The following NRXN1 variants were observed in gnomAD, a reference collection of about 807,000 sequenced individuals.
NRXN1 encodes the protein neurexin-1.
A neutral mutation model predicts 150.9 loss-of-function variants in NRXN1; 39 were observed. The ratio of observed to expected loss-of-function variants is 0.26; its 90% CI spans 0.20 to 0.34. The LOEUF (loss-of-function observed/expected upper bound fraction) is 0.34, where lower values mean the gene tolerates loss of function less well. Among genes scored for constraint, NRXN1 ranks in the 10% least tolerant of loss-of-function variants. NRXN1 has a pLI of 1.00. For synonymous variants in NRXN1, 924 were observed against 757.0 expected, an observed-to-expected ratio of 1.22 and a Z score of -3.62; for missense variants, 1,815 against 1,949.9, an observed-to-expected ratio of 0.93 and a Z score of 1.30.
At chr2:50,721,540 T>A (rs1696655592) in intron 5 of NRXN1, among the ~76,000 whole-genome samples, 1 of 152,164 alleles carries the variant, frequency 6.6e-6, no homozygotes, top group African/African-American at 2.4e-5. Context: ...GTGTTCTCCT[T>A]TGTGCCTGAC....
chr2:50,764,334 C>T (rs1327947044), intron 5 of NRXN1, among the ~76,000 whole-genome samples: 2 of 151,954 alleles, frequency 1.3e-5, no homozygotes, highest in Non-Finnish European at 2.9e-5. Context: ...TCATACCATA[C>T]TTTGCGTATG....
intron 17 of NRXN1, among the ~76,000 whole-genome samples, chr2:50,445,165 C>G (rs2086289357): frequency 6.6e-6 from 1 of 152,116 alleles, no homozygotes; most frequent in Non-Finnish European, 1.5e-5. Context: ...CTAAAAGAGT[C>G]CTGCTGGATG....
At chr2:50,005,165 T>C (rs185696792) in intron 21 of NRXN1, among the ~76,000 whole-genome samples, 1 of 152,248 alleles carries the variant, frequency 6.6e-6, no homozygotes, top group East Asian at 1.9e-4. Context: ...TACCAACCAA[T>C]AGATCATGTT....
At chr2:50,616,449 G>A (rs1382676866) in intron 8 of NRXN1, 1 of 152,108 alleles carries the variant, frequency 6.6e-6, no homozygotes, top group African/African-American at 2.4e-5. Context: ...AGGAATATGA[G>A]ATTATAGGTT....
intron 15 of NRXN1, among the ~76,000 whole-genome samples, chr2:50,481,230 C>T (rs1425685513): frequency 6.6e-6 from 1 of 152,184 alleles, no homozygotes; most frequent in African/African-American, 2.4e-5. Flanking sequence ...TACAGCTTCA[C>T]TACTACAACA....
intron 9 of NRXN1, among the ~76,000 whole-genome samples, 185 bp from the exon 10 acceptor site, chr2:50,538,821 G>T (rs1158363607): frequency 7.3e-6 from 1 of 137,082 alleles, no homozygotes; most frequent in Admixed American, 7.0e-5. Flanking sequence ...AGAAACTTTA[G>T]AAATAAAACA....
chr2:50,148,471 T>A (rs2058497731), intron 18 of NRXN1, among the ~76,000 whole-genome samples: 1 of 151,556 alleles, frequency 6.6e-6, no homozygotes, highest in Non-Finnish European at 1.5e-5. Flanking sequence ...AAAAACAAAG[T>A]CTAATTTCTC....
Position 50,052,029 on chromosome 2 carries a change from C to T in NRXN1, c.4128+1242G>A, listed in dbSNP as rs1053037661. ...TCCCTCTTCTAGGACATTTTCTCTT[C>T]ATCTATTCTGTTCCTCTCACCCTTT... On this transcript the variant is annotated intron_variant, in intron 21 of 22. Transcript: ENST00000401669. Among the ~76,000 whole-genome samples, 5 of 151,998 alleles carry T rather than the reference C, an allele frequency of 3.3e-5. No homozygotes were observed. In the East Asian group the frequency reaches 9.7e-4, roughly 29 times the overall value.
chr2:50,569,377 A>T (rs1039429429), intron 8 of NRXN1, among the ~76,000 whole-genome samples: 2 of 152,152 alleles, frequency 1.3e-5, no homozygotes, highest in African/African-American at 4.8e-5. Flanking sequence ...TAGGCATTGC[A>T]TACCTGTATC....
chr2:50,549,503 G>A (rs1290188599), intron 9 of NRXN1, among the ~76,000 whole-genome samples: 1 of 152,102 alleles, frequency 6.6e-6, no homozygotes, highest in Non-Finnish European at 1.5e-5. Flanking sequence ...ACAGCACCAA[G>A]CATAGTAATC....
intron 17 of NRXN1, among the ~76,000 whole-genome samples, chr2:50,278,877 C>G (rs2152930481): frequency 6.6e-6 from 1 of 152,202 alleles, no homozygotes; most frequent in African/African-American, 2.4e-5. Context: ...GCCTGACAAA[C>G]CATTAAAATA....
At chr2:50,986,832 A>G (rs1443342919) in intron 2 of NRXN1, among the ~76,000 whole-genome samples, 1 of 151,812 alleles carries the variant, frequency 6.6e-6, no homozygotes, top group African/African-American at 2.4e-5. Context: ...TTATTAGATA[A>G]TTCTATTTGT....
chr2:50,261,985 C>T (rs1283877569), intron 17 of NRXN1, among the ~76,000 whole-genome samples: 3 of 151,838 alleles, frequency 2.0e-5, no homozygotes, highest in Non-Finnish European at 4.4e-5. Flanking sequence ...TGGGCATCTC[C>T]AGCTCTATTC....
At chr2:50,827,438 C>T (rs893607478) in intron 5 of NRXN1, among the ~76,000 whole-genome samples, 2 of 152,044 alleles carry the variant, frequency 1.3e-5, no homozygotes, top group African/African-American at 2.4e-5. Flanking sequence ...CTTAGTATCC[C>T]AAATGGCATT....
At chr2:50,266,554 CACACACACACACACACACAT>C (rs56761943) in intron 17 of NRXN1, among the ~76,000 whole-genome samples, 60,811 of 148,330 alleles carry the variant, frequency 0.41, 12,744 homozygotes, top group Middle Eastern at 0.44. Context: ...CACACACACA[CACACACACACACACACACAT>C]ATTTTCTTTC....
chr2:50,630,651 A>G (rs1268872743), intron 5 of NRXN1, among the ~76,000 whole-genome samples: 1 of 151,792 alleles, frequency 6.6e-6, no homozygotes, highest in East Asian at 1.9e-4. Flanking sequence ...ATTCTTGATT[A>G]TATTGCTTTT....
At chr2:50,658,420 G>GTGTGTGTGTGTGTT (rs1553935271) in intron 5 of NRXN1, among the ~76,000 whole-genome samples, 1 of 151,508 alleles carries the variant, frequency 6.6e-6, no homozygotes, top group Non-Finnish European at 1.5e-5. Context: ...TGGTGTGTGT[G>GTGTGTGTGTGTGTT]TGTGTGTGTG....
At chr2:50,797,414 A>T (rs958874777) in intron 5 of NRXN1, among the ~76,000 whole-genome samples, 6 of 152,006 alleles carry the variant, frequency 3.9e-5, no homozygotes, top group African/African-American at 1.4e-4. Context: ...GGGAGGAGGA[A>T]CTCTACAGCA....
intron 2 of NRXN1, among the ~76,000 whole-genome samples, chr2:50,988,740 G>C (rs1420284216): frequency 6.6e-6 from 1 of 151,874 alleles, no homozygotes; most frequent in Non-Finnish European, 1.5e-5. Context: ...GAGAACACAG[G>C]CGTTAGCAGC....
Sources: allele counts gnomAD v4.1 joint callset (sites outside exome capture counted in the v4.1 genomes callset), GRCh38; gene constraint gnomAD v4.1.1; transcripts MANE v1.5; gene names NCBI Gene and HGNC (gene_info 2026-07-23, HGNC 2026-07-21).